ATN1: variants seen among roughly 807,000 people sequenced by gnomAD.
The protein encoded by ATN1 is atrophin-1.
In ATN1, 19 loss-of-function variants were observed where a neutral mutation model predicts 85.8. The ratio of observed to expected loss-of-function variants is 0.22; its 90% CI spans 0.15 to 0.32. The LOEUF is 0.32. Ranked by LOEUF, ATN1 falls within the 10% of genes least tolerant of loss-of-function variation. The probability of loss-of-function intolerance (pLI) is 1.00; values close to 1 mark genes in which losing one functional copy is unlikely to be tolerated. For missense variants in ATN1, 1,453 were observed against 1,564.5 expected (o/e 0.93, Z 1.20); for synonymous variants, 674 against 657.0 (o/e 1.03, Z -0.39).
At position 6,936,753 on chromosome 12, in the gene ATN1, C is replaced by G. The variant is rs1565566764; in HGVS notation, c.1486C>G (p.Gln496Glu). The stretch of plus-strand genomic sequence containing the variant: ...ACAGCAGCAGCAGCAGCAGCAGCAG[C>G]AGCAGCAGCAGCAGCAGCAGCATCA... The part of the protein sequence containing the change: ...QQQQQQQQQQ[Q>E]QQQQQQHHGN... The change falls in exon 5 of 10, where the codon CAG (glutamine) becomes GAG (glutamate). Residue 496 changes from glutamine to glutamate, a missense_variant. By Grantham distance (29) the Gln-to-Glu change is conservative (BLOSUM62 2). This residue lies in a region of ATN1 where 990 missense variants were observed against 914.8 expected (regional missense o/e 1.08). Coordinates refer to ENST00000396684, the MANE Select transcript of ATN1 (RefSeq NM_001940.4). The G allele has an allele frequency of 6.3e-7, 1 of 1,596,144 alleles. No homozygotes were observed.
intron 7 of ATN1, among the ~76,000 whole-genome samples, chr12:6,939,895 A>G (rs1945611144): frequency 2.6e-5 from 4 of 152,196 alleles, no homozygotes; most frequent in African/African-American, 9.6e-5. Flanking sequence ...GTTTTTCCCC[A>G]TCTCTAGATC....
At chr12:6,924,999 C>G (rs1250345402), upstream of ATN1, among the ~76,000 whole-genome samples, 1 of 152,140 alleles carries the variant, frequency 6.6e-6, no homozygotes, top group Non-Finnish European at 1.5e-5. Flanking sequence ...CCTGGGCCTC[C>G]CAGGCCCTTC....
chr12:6,935,519 G>GA lies in ATN1; in HGVS notation c.280-22dup. On this transcript the variant is annotated intron_variant, in intron 4 of 9. Coordinates refer to ENST00000396684, the MANE Select transcript of ATN1 (RefSeq NM_001940.4). The surrounding 1 kb of genome is among the most constrained non-coding windows in gnomAD (Gnocchi z 5.3). ...CTCAGGGAAGCAGGAAAGGAAAAGA[G>GA]AAAAAATGAGTCTTCCCTTTTCTAC... 2 of 1,597,036 alleles carry GA rather than the reference G, an allele frequency of 1.3e-6. No individual in the cohort carries two copies. Among genetic ancestry groups the GA allele is most frequent in the Non-Finnish European group, 1.7e-6 (2 of 1,170,920 alleles).
At position 6,938,499 on chromosome 12, in the gene ATN1, C is replaced by T. The variant is rs1945585861; in HGVS notation, c.2536C>T (p.Arg846Cys). ...ERSVKLAQEG[R>C]APVECPSLGP... Reference sequence around the variant, plus strand: ...CCCACAGAAGTTGGCTCAGGAGGGCCGTGCTCCGGTGGAATGCCCATCTCT... The same window carrying T: ...CCCACAGAAGTTGGCTCAGGAGGGCTGTGCTCCGGTGGAATGCCCATCTCT... Residue 846 changes from arginine (R) to cysteine (C), a missense_variant, in exon 7 of 10, where the codon CGT becomes TGT. By Grantham distance (180) the Arg-to-Cys change is radical. Transcript: ENST00000396684. 1 of 1,608,468 alleles carries T rather than the reference C, an allele frequency of 6.2e-7. No homozygotes were observed.
At chr12:6,932,352 G>T (rs766563517) in intron 1 of ATN1, among the ~76,000 whole-genome samples, 1 of 152,198 alleles carries the variant, frequency 6.6e-6, no homozygotes, top group Non-Finnish European at 1.5e-5. Flanking sequence ...AATTCAGGAA[G>T]AAAGACCTAC....
rs1555143919 is a variant in ATN1 at position 6,937,221 on chromosome 12, G to A, written c.1954G>A (p.Ala652Thr). The change falls in exon 5 of 10, where the codon GCC (alanine) becomes ACC (threonine). Residue 652 changes from alanine to threonine, a missense_variant. Physicochemically the swap from Ala to Thr is moderately conservative, Grantham distance 58. Coordinates refer to ENST00000396684, the MANE Select transcript of ATN1 (RefSeq NM_001940.4). This position sits in a 1 kb window ranked among gnomAD's most constrained non-coding sequence, Gnocchi z 6.0. ...CCCGTCCCCGGGGGCCTACAAGACA[G>A]CCACCCCACCCGGATACAAACCCGG... ...RAPSPGAYKT[A>T]TPPGYKPGSP... 4 of 1,611,642 alleles carry A rather than the reference G, an allele frequency of 2.5e-6. No individual in the cohort carries two copies. The highest frequency in any genetic ancestry group is 8.5e-7 in the Non-Finnish European group (1 of 1,179,658).
rs1945568097 is a variant in ATN1 at position 6,937,634 on chromosome 12, G to A, written c.2294+73G>A. 16 of 1,436,106 alleles carry A rather than the reference G, an allele frequency of 1.1e-5. No homozygotes were observed. Among genetic ancestry groups the A allele is most frequent in the African/African-American group, 1.4e-5 (1 of 69,554 alleles). 89.0% of individuals were successfully genotyped at this position (1,436,106 alleles called of 1,614,324 possible). ...CAAGGCGGCGACGAGAGAGGGAGTAGCAGGGAGGGGCCTTGCGCTGGTGTA... is the reference window on the plus strand; with the variant it reads ...CAAGGCGGCGACGAGAGAGGGAGTAACAGGGAGGGGCCTTGCGCTGGTGTA... On this transcript the variant is annotated intron_variant, in intron 5 of 9. Transcript: ENST00000396684. The surrounding 1 kb of genome is among the most constrained non-coding windows in gnomAD (Gnocchi z 6.0).
At chr12:6,931,329 A>ATT (rs199675537) in intron 1 of ATN1, among the ~76,000 whole-genome samples, 193 of 102,148 alleles carry the variant, frequency 1.9e-3, no homozygotes, top group African/African-American at 6.3e-3. Flanking sequence ...TGTTCTTCGG[A>ATT]TTTTTTTTTT....
At position 6,936,722 on chromosome 12, in the gene ATN1, A is replaced by ACAGCAACAGCAG. The variant is rs781900874; in HGVS notation, c.1461_1472dup (p.Gln499_Gln502dup). On this transcript the variant is annotated inframe_insertion, in exon 5 of 10. Transcript: ENST00000396684. ...CAACACATCACCATCACCACCAGCA[A>ACAGCAACAGCAG]CAGCAACAGCAGCAGCAGCAGCAGC... 3.9e-6 allele frequency: 6 copies of ACAGCAACAGCAG among 1,525,118 alleles called. No homozygotes were observed. Among genetic ancestry groups the ACAGCAACAGCAG allele is most frequent in the Non-Finnish European group, 5.2e-6 (6 of 1,143,702 alleles). 94.5% of individuals were successfully genotyped at this position (1,525,118 alleles called of 1,614,324 possible).
At chr12:6,938,425 C>G in intron 6 of ATN1, 56 bp from the exon 7 acceptor site, 1 of 1,535,756 alleles carries the variant, frequency 6.5e-7, no homozygotes. Context: ...AGCTTAAAAC[C>G]AGCCACCTCT....
rs183340537 is a variant in ATN1, at chr12:6,933,840, G to A, written c.-162G>A. 7.5e-5 allele frequency: 56 copies of A among 747,670 alleles called. No homozygotes were observed. The highest frequency in any genetic ancestry group is 2.7e-4 in the Admixed American group (10 of 37,538). The allele number at this position is 747,670 out of a possible 1,614,324, so 46.3% of individuals were successfully genotyped here. On this transcript the variant is annotated splice_region_variant and 5_prime_UTR_variant, in exon 2 of 10. Coordinates refer to ENST00000396684, the MANE Select transcript of ATN1 (RefSeq NM_001940.4). ...GACTCTGATGGTTTCCTTCTAACAG[G>A]TTTCATTGAAAACAGATCCTGCAAA...
At chr12:6,933,693 G>A (rs1945494648) in intron 1 of ATN1, 147 bp from the exon 2 acceptor site, 2 of 481,806 alleles carry the variant, frequency 4.2e-6, no homozygotes, top group East Asian at 3.6e-5. Flanking sequence ...AGCCCATGGG[G>A]CATGCCAGCA....
chr12:6,934,410 C>T lies in ATN1; in HGVS notation c.166-55C>T, dbSNP rs986159642. The T allele has an allele frequency of 7.5e-5, 121 of 1,606,446 alleles. No homozygotes were observed. In the African/African-American group the frequency reaches 9.1e-4, roughly 12 times the overall value. On this transcript the variant is annotated intron_variant, in intron 3 of 9. Coordinates refer to ENST00000396684, the MANE Select transcript of ATN1 (RefSeq NM_001940.4). This position sits in a 1 kb window ranked among gnomAD's most constrained non-coding sequence, Gnocchi z 4.5. ...GAACTTCCTGTTTGGCAGAGGGTAA[C>T]GGTGGAGCTCGGGAGGTAGGGAAAA...
rs1555143888 is a variant in ATN1, at chr12:6,937,104, A to C, written c.1837A>C (p.Thr613Pro). The C allele has an allele frequency of 6.2e-7, 1 of 1,611,526 alleles. No homozygotes were observed. The highest frequency in any genetic ancestry group is 1.3e-5 in the African/African-American group (1 of 74,696). The stretch of plus-strand genomic sequence containing the variant: ...GCCTACGGTCACCACCTCTTCGGCT[A>C]CCCTTTCCACGGTCATTGCCACCGT... ...PVPTVTTSSATLSTVIATVAS... is the reference protein window; with the variant it reads ...PVPTVTTSSAPLSTVIATVAS... The change falls in exon 5 of 10, where the codon ACC (threonine) becomes CCC (proline). Residue 613 changes from threonine (T) to proline (P), a missense_variant. Around this residue, in one of 6 missense-constraint regions of ATN1, gnomAD observed 990 missense variants for 914.8 expected, o/e 1.08. Coordinates refer to ENST00000396684, the MANE Select transcript of ATN1 (RefSeq NM_001940.4). This position sits in a 1 kb window ranked among gnomAD's most constrained non-coding sequence, Gnocchi z 6.0.
In ATN1 at chr12:6,935,293, G is replaced by A. The variant is rs1945517025; in HGVS notation, c.280-254G>A. The stretch of plus-strand genomic sequence containing the variant: ...TGGAGTCAGCTGTGGGTAGAGACAA[G>A]GTGCTTGAGATGGATCCTTGAGGAA... On this transcript the variant is annotated intron_variant, in intron 4 of 9. Transcript: ENST00000396684. The surrounding 1 kb of genome is among the most constrained non-coding windows in gnomAD (Gnocchi z 5.3). Among the ~76,000 whole-genome samples the A allele has an allele frequency of 6.6e-6, 1 of 152,138 alleles. No individual in the cohort carries two copies. The highest frequency in any genetic ancestry group is 1.5e-5 in the Non-Finnish European group (1 of 68,030).
chr12:6,936,203 T>C lies in ATN1; in HGVS notation c.936T>C (p.Asn312=). Residue 312 remains asparagine, a synonymous_variant, in exon 5 of 10, where the codon AAT becomes AAC. Transcript: ENST00000396684. ...PPPPALRPLN[N]ASASPPGLGA... Reference sequence around the variant, plus strand: ...CACCTGCCCTGAGACCCCTCAACAATGCATCAGCCTCTCCCCCTGGCCTGG... The same window carrying C: ...CACCTGCCCTGAGACCCCTCAACAACGCATCAGCCTCTCCCCCTGGCCTGG... 6.3e-7 allele frequency: 1 copy of C among 1,590,540 alleles called. No individual in the cohort carries two copies. Among genetic ancestry groups the C allele is most frequent in the Non-Finnish European group, 8.6e-7 (1 of 1,167,838 alleles).
In ATN1 at chr12:6,938,616, ACT is replaced by A; in HGVS notation, c.2657_2658del (p.Leu886GlnfsTer2). ...GGGTCCTGACACTCCAGCCTTGCGC[ACT>A]CTCAGTGAATATGCCCGGCCTCATG... ...YLGPDTPALR[T>X]LSEYARPHVM... On this transcript the variant is annotated frameshift_variant, in exon 7 of 10. Transcript: ENST00000396684. LOFTEE classifies it high-confidence loss of function. The A allele has an allele frequency of 6.2e-7, 1 of 1,613,960 alleles. No individual in the cohort carries two copies. The highest frequency in any genetic ancestry group is 8.5e-7 in the Non-Finnish European group (1 of 1,179,952).
At position 6,937,948 on chromosome 12, in the gene ATN1, G is replaced by A. The variant is rs1945573596; in HGVS notation, c.2398G>A (p.Val800Met). 1 of 1,581,084 alleles carries A rather than the reference G, an allele frequency of 6.3e-7. No individual in the cohort carries two copies. ...GCTGGCCAAGAAGCGGGCCGACCTG[G>A]TGGAGAAGGTGCGGCGCGAGGCCGA... ...SKLAKKRADL[V>M]EKVRREAEQR... Residue 800 changes from valine (V) to methionine (M), a missense_variant, in exon 6 of 10, where the codon GTG becomes ATG. By Grantham distance (21) the Val-to-Met change is conservative (BLOSUM62 1). Around this residue, in one of 6 missense-constraint regions of ATN1, gnomAD observed 990 missense variants for 914.8 expected, o/e 1.08. Transcript: ENST00000396684. The surrounding 1 kb of genome is among the most constrained non-coding windows in gnomAD (Gnocchi z 6.0).
chr12:6,936,768 C>G lies in ATN1; in HGVS notation c.1501C>G (p.Gln501Glu), dbSNP rs1936916372. The stretch of plus-strand genomic sequence containing the variant: ...GCAGCAGCAGCAGCAGCAGCAGCAG[C>G]AGCAGCATCACGGAAACTCTGGGCC... The part of the protein sequence containing the change: ...QQQQQQQQQQ[Q>E]QHHGNSGPPP... Residue 501 changes from glutamine to glutamate, a missense_variant, in exon 5 of 10, where the codon CAG becomes GAG. This residue lies in a region of ATN1 where 990 missense variants were observed against 914.8 expected (regional missense o/e 1.08). Transcript: ENST00000396684. 6.7e-7 allele frequency: 1 copy of G among 1,492,448 alleles called. No individual in the cohort carries two copies. Among genetic ancestry groups the G allele is most frequent in the African/African-American group, 1.5e-5 (1 of 68,582 alleles). The allele number at this position is 1,492,448 out of a possible 1,614,324, so 92.5% of individuals were successfully genotyped here. A position where few individuals can be genotyped will look rare whatever the true frequency, so the allele number is the denominator to read the frequency against.
Sources: gnomAD v4.1 joint callset for allele counts (sites outside exome capture counted in the v4.1 genomes callset) on GRCh38, gnomAD v4.1.1 for gene constraint, gnomAD v4.1.1 regional missense constraint, Gnocchi (gnomAD v3.1) non-coding constraint, MANE v1.5 for transcripts, NCBI Gene and HGNC (gene_info 2026-07-23, HGNC 2026-07-21) for gene names.